ANK3: variants seen among roughly 807,000 people sequenced by gnomAD.
ANK3 encodes the protein ankyrin 3, also known as ankyrin-3.
A neutral mutation model predicts 370.9 loss-of-function variants in ANK3; 57 were observed. The observed-to-expected ratio is 0.15, with a 90% CI of 0.12 to 0.19. The LOEUF is 0.19. Among genes scored for constraint, ANK3 ranks in the 10% least tolerant of loss-of-function variants. The pLI is 1.00. For missense variants in ANK3, 4,439 were observed against 5,302.1 expected, an observed-to-expected ratio of 0.84 and a Z score of 5.06; for synonymous variants, 1,929 against 1,946.3, an observed-to-expected ratio of 0.99 and a Z score of 0.23.
At chr10:60,431,306 A>G (rs994591580) in intron 2 of ANK3, among the ~76,000 whole-genome samples, 1 of 152,156 alleles carries the variant, frequency 6.6e-6, no homozygotes, top group East Asian at 1.9e-4. Context: ...TGCAGTTCAC[A>G]GCAGGGTTTG....
intron 8 of ANK3, among the ~76,000 whole-genome samples, chr10:60,226,725 C>A (rs1225044339): frequency 7.1e-6 from 1 of 140,046 alleles, no homozygotes; most frequent in Non-Finnish European, 1.5e-5. Flanking sequence ...ACATAGTATT[C>A]ATTATATAAA....
intron 1 of ANK3, among the ~76,000 whole-genome samples, chr10:60,324,532 G>A (rs2049370391): frequency 6.6e-6 from 1 of 152,152 alleles, no homozygotes; most frequent in Non-Finnish European, 1.5e-5. Flanking sequence ...CTAAGTGAAG[G>A]CTGTTCTCAG....
chr10:60,526,238 A>C (rs2076467293), intron 2 of ANK3, among the ~76,000 whole-genome samples: 1 of 152,076 alleles, frequency 6.6e-6, no homozygotes, highest in Admixed American at 6.6e-5. Context: ...TGAAACTGTT[A>C]TTTTCCTCAG....
At position 60,069,476 on chromosome 10, in the gene ANK3, A is replaced by G. The variant is rs779846656; in HGVS notation, c.11405T>C (p.Ile3802Thr). 1.2e-6 allele frequency: 2 copies of G among 1,613,604 alleles called. No individual in the cohort carries two copies. Among genetic ancestry groups the G allele is most frequent in the Non-Finnish European group, 1.7e-6 (2 of 1,179,760 alleles). The change falls in exon 37 of 44, where the codon ATT (isoleucine) becomes ACT (threonine). Residue 3802 changes from isoleucine (I) to threonine (T), a missense_variant. This residue lies in a region of ANK3 where 496 missense variants were observed against 529.3 expected (regional missense o/e 0.94). Transcript: ENST00000280772. The part of the protein sequence containing the change: ...LDSSTIQTDN[I>T]MSNIVLTEHS... ...TTCTGTCAGAACTATATTACTCATAATGTTATCTGTCTGTATAGTGGAAGA... is the reference window on the plus strand; with the variant it reads ...TTCTGTCAGAACTATATTACTCATAGTGTTATCTGTCTGTATAGTGGAAGA...
intron 2 of ANK3, among the ~76,000 whole-genome samples, chr10:60,575,328 C>A (rs1315680752): frequency 1.4e-5 from 2 of 146,710 alleles, no homozygotes; most frequent in Admixed American, 7.1e-5. Flanking sequence ...GTGCTCTCTG[C>A]TGGTTGGATG....
intron 2 of ANK3, among the ~76,000 whole-genome samples, chr10:60,509,631 T>C (rs893641152): frequency 7.9e-5 from 12 of 152,128 alleles, no homozygotes; most frequent in Admixed American, 7.9e-4. Context: ...TGAGGAAGAG[T>C]CTGCAATTGT....
chr10:60,321,520 A>G (rs2048670612), intron 1 of ANK3, among the ~76,000 whole-genome samples: 1 of 152,226 alleles, frequency 6.6e-6, no homozygotes, highest in Admixed American at 6.5e-5. Flanking sequence ...CAAACGGAAA[A>G]GAGTATCTTC....
intron 2 of ANK3, among the ~76,000 whole-genome samples, chr10:60,402,273 T>C (rs1479484168): frequency 2.0e-5 from 3 of 152,140 alleles, no homozygotes; most frequent in Non-Finnish European, 4.4e-5. Context: ...AATAAATGAT[T>C]TATAAAACTA....
intron 42 of ANK3, among the ~76,000 whole-genome samples, chr10:60,047,036 T>G (rs999185779): frequency 1.3e-5 from 2 of 152,148 alleles, no homozygotes; most frequent in Non-Finnish European, 2.9e-5. Context: ...TTTGATCTCC[T>G]GACCTCGTGA....
At chr10:60,279,684 A>T (rs2098134533) in intron 1 of ANK3, 45 bp from the exon 2 acceptor site, 1 of 1,429,648 alleles carries the variant, frequency 7.0e-7, no homozygotes, top group Non-Finnish European at 9.8e-7. Flanking sequence ...TGAAGCTAAT[A>T]TGCATGTTTA....
At chr10:60,262,023 C>G (rs41283532) in intron 6 of ANK3, 66 bp from the exon 7 acceptor site, 1 of 1,341,774 alleles carries the variant, frequency 7.5e-7, no homozygotes, top group Non-Finnish European at 1.1e-6. Context: ...AGGCAAATAT[C>G]ATAACCCTGC....
chr10:60,605,243 T>A (rs2078113223), intron 2 of ANK3, among the ~76,000 whole-genome samples: 1 of 151,958 alleles, frequency 6.6e-6, no homozygotes, highest in Admixed American at 6.6e-5. Flanking sequence ...GGGAAACACA[T>A]AAATGACACA....
chr10:60,485,291 T>C (rs1172546286), intron 2 of ANK3, among the ~76,000 whole-genome samples: 1 of 144,730 alleles, frequency 6.9e-6, no homozygotes, highest in Non-Finnish European at 1.5e-5. Context: ...CCAGAGATTA[T>C]GACACCTCCA....
intron 1 of ANK3, among the ~76,000 whole-genome samples, chr10:60,351,421 T>C (rs1455240907): frequency 1.3e-5 from 2 of 152,172 alleles, no homozygotes; most frequent in African/African-American, 2.4e-5. Context: ...GTACATCTGC[T>C]GTGTTTATGA....
chr10:60,433,556 G>A (rs1211848622), intron 2 of ANK3, among the ~76,000 whole-genome samples: 2 of 151,984 alleles, frequency 1.3e-5, no homozygotes, highest in Admixed American at 6.5e-5. Context: ...TCATGCCACC[G>A]CACGATCGTG....
intron 2 of ANK3, among the ~76,000 whole-genome samples, chr10:60,466,339 G>C (rs372509107): frequency 6.6e-6 from 1 of 152,130 alleles, no homozygotes; most frequent in Non-Finnish European, 1.5e-5. Flanking sequence ...AAAAGAAAGA[G>C]ACATTTATTA....
intron 16 of ANK3, 111 bp from the exon 17 acceptor site, chr10:60,187,023 A>C: frequency 2.8e-6 from 3 of 1,057,228 alleles, no homozygotes; most frequent in Non-Finnish European, 4.2e-6. Flanking sequence ...ATTGCTTAAG[A>C]AATCATGATT....
intron 7 of ANK3, among the ~76,000 whole-genome samples, chr10:60,244,697 C>T (rs970482982): frequency 1.3e-5 from 2 of 152,074 alleles, no homozygotes; most frequent in Non-Finnish European, 2.9e-5. Flanking sequence ...TTAGTGAATA[C>T]GTTCACAGAG....
chr10:60,246,805 T>C (rs1209066584), intron 7 of ANK3, among the ~76,000 whole-genome samples: 2 of 152,128 alleles, frequency 1.3e-5, no homozygotes, highest in Non-Finnish European at 2.9e-5. Context: ...GGTTCTCAAG[T>C]GAGTTAGGGG....
Sources: gnomAD v4.1 joint callset for allele counts (sites outside exome capture counted in the v4.1 genomes callset) on GRCh38, gnomAD v4.1.1 for gene constraint, gnomAD v4.1.1 regional missense constraint, MANE v1.5 for transcripts, NCBI Gene and HGNC (gene_info 2026-07-23, HGNC 2026-07-21) for gene names.